Variants in GALNT11 observed in about 807,000 individuals in gnomAD.
The protein encoded by GALNT11 is polypeptide N-acetylgalactosaminyltransferase 11.
GALNT11 carries 47 observed loss-of-function variants against 72.7 expected under a neutral mutation model. The ratio of observed to expected loss-of-function variants is 0.65; its 90% CI spans 0.51 to 0.82. The LOEUF (loss-of-function observed/expected upper bound fraction) is 0.82, where lower values mean the gene tolerates loss of function less well. Ranked by LOEUF, GALNT11 falls within the 40% of genes least tolerant of loss-of-function variation. The pLI is 0.00. For synonymous variants in GALNT11, 270 were observed against 286.6 expected (o/e 0.94, Z 0.58); for missense variants, 677 against 778.4 (o/e 0.87, Z 1.55).
chr7:152,102,959 C>G lies in GALNT11; in HGVS notation c.420-153C>G, dbSNP rs1241203032. On this transcript the variant is annotated intron_variant, in intron 3 of 11. Transcript: ENST00000430044. Reference sequence around the variant, plus strand: ...TAGCGCCACTGCACTCCAGCCTGGGCAACAAGAGCGAGACTCCGTCTCAAA... The same window carrying G: ...TAGCGCCACTGCACTCCAGCCTGGGGAACAAGAGCGAGACTCCGTCTCAAA... Among the ~76,000 whole-genome samples, 4 of 121,630 alleles carry G rather than the reference C, an allele frequency of 3.3e-5. No individual in the cohort carries two copies. In the South Asian group the frequency reaches 1.2e-3, roughly 37 times the overall value. 79.8% of individuals were successfully genotyped at this position (121,630 alleles called of 152,430 possible).
At chr7:152,046,247 A>G (rs550976418) in intron 1 of GALNT11, among the ~76,000 whole-genome samples, 7 of 152,106 alleles carry the variant, frequency 4.6e-5, no homozygotes, top group Admixed American at 6.6e-5. Context: ...AGGATGATCT[A>G]TGTGTTGAGG....
chr7:152,112,987 C>T (rs1346859700), intron 7 of GALNT11, among the ~76,000 whole-genome samples: 1 of 152,158 alleles, frequency 6.6e-6, no homozygotes, highest in Non-Finnish European at 1.5e-5. Context: ...TGGGTAAGTG[C>T]AATTTCAGAC....
At chr7:152,034,735 G>A (rs1462676690) in intron 1 of GALNT11, among the ~76,000 whole-genome samples, 6 of 152,064 alleles carry the variant, frequency 3.9e-5, no homozygotes, top group Non-Finnish European at 8.8e-5. Flanking sequence ...TGGACCCTGC[G>A]GATGGGAATA....
intron 1 of GALNT11, among the ~76,000 whole-genome samples, chr7:152,028,743 CT>C (rs2082162645): frequency 6.6e-6 from 1 of 152,176 alleles, no homozygotes; most frequent in South Asian, 2.1e-4. Context: ...GCTGTAGCTA[CT>C]TCCTGCTGGA....
At chr7:152,055,066 C>T (rs1455125928) in intron 1 of GALNT11, among the ~76,000 whole-genome samples, 1 of 152,154 alleles carries the variant, frequency 6.6e-6, no homozygotes, top group East Asian at 1.9e-4. Flanking sequence ...AGTCCAAAGG[C>T]AGCGCGGGGG....
intron 2 of GALNT11, among the ~76,000 whole-genome samples, chr7:152,096,898 A>T (rs1466715308): frequency 6.6e-6 from 1 of 151,972 alleles, no homozygotes; most frequent in Admixed American, 6.6e-5. Context: ...CACAGTCATG[A>T]CTCACTGCAG....
rs936673188 is a variant in GALNT11 at position 152,121,783 on chromosome 7, A to T, written c.*106A>T. 2.0e-5 allele frequency: 28 copies of T among 1,409,066 alleles called. No homozygotes were observed. Among genetic ancestry groups the T allele is most frequent in the Admixed American group, 1.1e-4 (5 of 45,232 alleles). 87.3% of individuals were successfully genotyped at this position (1,409,066 alleles called of 1,614,324 possible). On this transcript the variant is annotated 3_prime_UTR_variant, in exon 12 of 12. Coordinates refer to ENST00000430044, the MANE Select transcript of GALNT11 (RefSeq NM_022087.4). ...GGGTGGAGCAGAACCATCTTGGAGA[A>T]GATGACAGTTCCCTGTCCTCCCGGA...
At chr7:152,081,826 G>A (rs1359252497) in intron 1 of GALNT11, among the ~76,000 whole-genome samples, 1 of 152,050 alleles carries the variant, frequency 6.6e-6, no homozygotes, top group Non-Finnish European at 1.5e-5. Flanking sequence ...AGGTGTGTGT[G>A]TACTTACATG....
chr7:152,100,816 G>A lies in GALNT11; in HGVS notation c.314G>A (p.Arg105His), dbSNP rs74427639. 2,394 of 1,613,462 alleles carry A rather than the reference G, an allele frequency of 1.5e-3. 65 individuals carry two copies. In the East Asian group the frequency reaches 0.046, roughly 31 times the overall value. The change falls in exon 3 of 12, where the codon CGC (arginine) becomes CAC (histidine). Residue 105 changes from arginine (R) to histidine (H), a missense_variant. Physicochemically the swap from Arg to His is conservative, Grantham distance 29. Coordinates refer to ENST00000430044, the MANE Select transcript of GALNT11 (RefSeq NM_022087.4). Reference protein sequence around the residue: ...SSELGMIFNERDQELRDLGYQ... With the variant: ...SSELGMIFNEHDQELRDLGYQ... ...TTTGCAGGTATGATTTTTAATGAAC[G>A]CGATCAAGAGTTGAGAGACTTGGGC... is the stretch of plus-strand genomic sequence containing the variant.
intron 1 of GALNT11, among the ~76,000 whole-genome samples, chr7:152,074,604 T>C (rs1234115065): frequency 6.6e-6 from 1 of 152,166 alleles, no homozygotes; most frequent in Non-Finnish European, 1.5e-5. Flanking sequence ...TTTTCCTCTT[T>C]GAGTTGTAAG....
At chr7:152,078,585 A>G (rs2085125905) in intron 1 of GALNT11, among the ~76,000 whole-genome samples, 1 of 152,250 alleles carries the variant, frequency 6.6e-6, no homozygotes, top group Non-Finnish European at 1.5e-5. Flanking sequence ...GATTCTTAAT[A>G]TAGCATAAGG....
In GALNT11 at chr7:152,117,345, A is replaced by G. The variant is rs747743692; in HGVS notation, c.1422A>G (p.Pro474=). The G allele has an allele frequency of 3.1e-6, 5 of 1,614,078 alleles. No individual in the cohort carries two copies. The highest frequency in any genetic ancestry group is 4.2e-6 in the Non-Finnish European group (5 of 1,180,022). The change falls in exon 9 of 12, where the codon CCA becomes CCG. Residue 474 remains proline, a synonymous_variant. Transcript: ENST00000430044. ...PQQPIFVNRG[P]KRPKVLQRGR... The stretch of plus-strand genomic sequence containing the variant: ...AACCCATTTTTGTCAATAGAGGGCC[A>G]AAACGACCCAAAGTCCTTCAACGTG...
At chr7:152,092,558 C>G (rs992362094) in intron 1 of GALNT11, among the ~76,000 whole-genome samples, 2 of 151,634 alleles carry the variant, frequency 1.3e-5, no homozygotes, top group African/African-American at 4.8e-5. Flanking sequence ...TGTTTTTTTA[C>G]TTTTTAATTA....
rs563381786 is a variant in GALNT11 at position 152,034,709 on chromosome 7, C to T, written c.-39+8825C>T. On this transcript the variant is annotated intron_variant, in intron 1 of 11. Transcript: ENST00000430044. ...CAGAAACACCTCTTGCCCAAGAACC[C>T]ACAACGGTCGGTCCCTGGACCCTGC... is the stretch of plus-strand genomic sequence containing the variant. Among the ~76,000 whole-genome samples, 6 of 152,272 alleles carry T rather than the reference C, an allele frequency of 3.9e-5. No homozygotes were observed. The East Asian group carries it at 9.7e-4, about 25-fold the overall frequency.
intron 1 of GALNT11, among the ~76,000 whole-genome samples, chr7:152,054,173 T>C (rs527758748): frequency 1.3e-5 from 2 of 152,236 alleles, no homozygotes; most frequent in South Asian, 2.1e-4. Context: ...TTTTGACTTA[T>C]AGTAATAGCT....
chr7:152,065,144 G>A (rs770116937), intron 1 of GALNT11, among the ~76,000 whole-genome samples: 6 of 152,152 alleles, frequency 3.9e-5, no homozygotes, highest in East Asian at 1.9e-4. Flanking sequence ...TGGAGGCTTC[G>A]TTCATTTCTT....
At chr7:152,060,620 C>A (rs1050047399) in intron 1 of GALNT11, among the ~76,000 whole-genome samples, 3 of 148,828 alleles carry the variant, frequency 2.0e-5, no homozygotes, top group Non-Finnish European at 3.0e-5. Flanking sequence ...TGCTATCCCT[C>A]CCCCCCCTCC....
chr7:152,108,521 C>T lies in GALNT11; in HGVS notation c.962+234C>T, dbSNP rs1426011255. Among the ~76,000 whole-genome samples the T allele has an allele frequency of 2.0e-5, 3 of 152,306 alleles. No homozygotes were observed. The East Asian group carries it at 5.8e-4, about 29-fold the overall frequency. ...AAGGACTTAGAGCCTGTGAGAAGAG[C>T]AGACAGACCAGGCCACCATTGCAGA... On this transcript the variant is annotated intron_variant, in intron 6 of 11. Transcript: ENST00000430044.
intron 1 of GALNT11, among the ~76,000 whole-genome samples, chr7:152,048,694 T>C (rs2083260301): frequency 6.6e-6 from 1 of 151,814 alleles, no homozygotes; most frequent in African/African-American, 2.4e-5. Flanking sequence ...CACGCCTGGC[T>C]AATTTTTTTG....
Sources: allele counts gnomAD v4.1 joint callset (sites outside exome capture counted in the v4.1 genomes callset), GRCh38; gene constraint gnomAD v4.1.1; transcripts MANE v1.5; gene names NCBI Gene and HGNC (gene_info 2026-07-23, HGNC 2026-07-21).